SLC25A30: variants seen among roughly 807,000 people sequenced by gnomAD.
The protein encoded by SLC25A30 is kidney mitochondrial carrier protein 1.
A neutral mutation model predicts 42.7 loss-of-function variants in SLC25A30; 29 were observed. That is an observed-to-expected ratio of 0.68 (90% CI 0.51 to 0.93). The LOEUF is 0.93. SLC25A30 is among the 40% of genes least tolerant of loss of function. The probability of loss-of-function intolerance (pLI) is 0.00; values close to 1 mark genes in which losing one functional copy is unlikely to be tolerated. For synonymous variants in SLC25A30, 124 were observed against 131.0 expected (o/e 0.95, Z 0.37); for missense variants, 300 against 359.7 (o/e 0.83, Z 1.34).
At chr13:45,417,119 T>C (rs890712761) in intron 1 of SLC25A30, among the ~76,000 whole-genome samples, 1 of 152,204 alleles carries the variant, frequency 6.6e-6, no homozygotes, top group Admixed American at 6.5e-5. Context: ...ATTCAAGCGA[T>C]TCTCCTGTCT....
At chr13:45,419,286 A>G (rs1002467150), upstream of SLC25A30, among the ~76,000 whole-genome samples, 1 of 151,118 alleles carries the variant, frequency 6.6e-6, no homozygotes, top group East Asian at 1.9e-4. Context: ...ACGGTATGGC[A>G]GTGTTTGTGT....
At chr13:45,432,145 C>G in the SLC25A30 span, among the ~76,000 whole-genome samples, 1 of 151,710 alleles carries the variant, frequency 6.6e-6, no homozygotes, top group Non-Finnish European at 1.5e-5. Flanking sequence ...TAGTGCGCAC[C>G]TGTAATCCCA....
At chr13:45,410,100 C>G (rs1477841720) in intron 2 of SLC25A30, among the ~76,000 whole-genome samples, 1 of 152,186 alleles carries the variant, frequency 6.6e-6, no homozygotes, top group Non-Finnish European at 1.5e-5. Context: ...CAACCCAGCA[C>G]AGGGCATTCA....
chr13:45,405,170 C>T (rs566661262), intron 4 of SLC25A30, among the ~76,000 whole-genome samples: 4 of 152,240 alleles, frequency 2.6e-5, no homozygotes, highest in East Asian at 1.9e-4. Context: ...GTGATCTGCC[C>T]GCCTCAGCCT....
At chr13:45,424,642 C>CATAAATATAT in the SLC25A30 span, among the ~76,000 whole-genome samples, 885 of 29,506 alleles carry the variant, frequency 0.03, 137 homozygotes, top group African/African-American at 0.088. Flanking sequence ...TGTATATAAA[C>CATAAATATAT]ATAAATATAT....
At position 45,399,019 on chromosome 13, in the gene SLC25A30, CTCACAACA is replaced by C; in HGVS notation, c.666_673del (p.Asp222GlufsTer32). ...CACTCTCTGATTCATCATACGTGTCCTCACAACATCAACAGGGTTTGAGGCCAGGGCCC... is the reference window on the plus strand; with the variant it reads ...CACTCTCTGATTCATCATACGTGTCCTCAACAGGGTTTGAGGCCAGGGCCC... On this transcript the variant is annotated frameshift_variant, in exon 8 of 10. Coordinates refer to ENST00000519676, the MANE Select transcript of SLC25A30 (RefSeq NM_001010875.4). LOFTEE classifies it high-confidence loss of function. 1 of 1,613,878 alleles carries C rather than the reference CTCACAACA, an allele frequency of 6.2e-7. No individual in the cohort carries two copies.
chr13:45,418,974 A>C (rs1283061256), upstream of SLC25A30, among the ~76,000 whole-genome samples: 4 of 119,192 alleles, frequency 3.4e-5, 1 homozygote, highest in Non-Finnish European at 6.7e-5. Flanking sequence ...AAAAAAAAAA[A>C]AAAAAAAAAA....
At chr13:45,405,276 A>ATCTGTTAGGACATATTG (rs1295674156) in intron 4 of SLC25A30, among the ~76,000 whole-genome samples, 11 of 152,338 alleles carry the variant, frequency 7.2e-5, no homozygotes, top group African/African-American at 2.6e-4. Context: ...GATGAGCTAT[A>ATCTGTTAGGACATATTG]TCTGTTAGGA....
At chr13:45,401,933 G>A (rs1000788686) in intron 6 of SLC25A30, among the ~76,000 whole-genome samples, 4 of 151,786 alleles carry the variant, frequency 2.6e-5, no homozygotes, top group Non-Finnish European at 4.4e-5. Context: ...GGTGGCGCAC[G>A]CCTGTAATCC....
chr13:45,420,214 A>G (rs932089326), upstream of SLC25A30: 3 of 152,122 alleles, frequency 2.0e-5, no homozygotes, highest in African/African-American at 7.2e-5. Context: ...GCCCAGGGCC[A>G]TCTCTCTCTC....
At position 45,393,510 on chromosome 13, in the gene SLC25A30, A is replaced by G; in HGVS notation, c.*2464T>C. On this transcript the variant is annotated 3_prime_UTR_variant, in exon 10 of 10. Coordinates refer to ENST00000519676, the MANE Select transcript of SLC25A30 (RefSeq NM_001010875.4). ...GAGCCACTTTTTATATTATGAATCC[A>G]CAACATTAAGCATCAATGATTACAC... 3.0e-6 allele frequency: 3 copies of G among 985,418 alleles called. No individual in the cohort carries two copies. The highest frequency in any genetic ancestry group is 3.6e-6 in the Non-Finnish European group (3 of 829,912). The allele number at this position is 985,418 out of a possible 1,614,324, so 61.0% of individuals were successfully genotyped here.
chr13:45,424,539 A>ATATAAATATATAAATATATATAAATG, the SLC25A30 span, among the ~76,000 whole-genome samples: 1 of 79,776 alleles, frequency 1.3e-5, no homozygotes, highest in Non-Finnish European at 2.2e-5. Flanking sequence ...ATATATAAAT[A>ATATAAATATATAAATATATATAAATG]TATAAATATA....
At chr13:45,421,517 C>G (rs1437284871), upstream of SLC25A30, among the ~76,000 whole-genome samples, 1 of 151,906 alleles carries the variant, frequency 6.6e-6, no homozygotes, top group African/African-American at 2.4e-5. Context: ...CCCTATTTGG[C>G]TCTTTGTGCA....
At position 45,394,680 on chromosome 13, in the gene SLC25A30, A is replaced by T; in HGVS notation, c.*1294T>A. On this transcript the variant is annotated 3_prime_UTR_variant, in exon 10 of 10. Transcript: ENST00000519676. ...TCTCTGAAGCAGGTTAGAGTAAAGA[A>T]TAAGAAAATAGAAAAAGAAAAAAAG... 5 of 985,102 alleles carry T rather than the reference A, an allele frequency of 5.1e-6. No homozygotes were observed. Among genetic ancestry groups the T allele is most frequent in the Non-Finnish European group, 6.0e-6 (5 of 829,614 alleles). 61.0% of individuals were successfully genotyped at this position (985,102 alleles called of 1,614,324 possible).
chr13:45,404,423 T>C lies in SLC25A30; in HGVS notation c.308-11A>G. The C allele has an allele frequency of 6.3e-7, 1 of 1,590,396 alleles. No individual in the cohort carries two copies. The highest frequency in any genetic ancestry group is 8.6e-7 in the Non-Finnish European group (1 of 1,158,614). ...TCGGTAGAGTTTCATCTGTAAACAATGACACATTATTTGACTCTACATATT... is the reference window on the plus strand; with the variant it reads ...TCGGTAGAGTTTCATCTGTAAACAACGACACATTATTTGACTCTACATATT... On this transcript the variant is annotated splice_polypyrimidine_tract_variant and intron_variant, in intron 4 of 9. Coordinates refer to ENST00000519676, the MANE Select transcript of SLC25A30 (RefSeq NM_001010875.4).
rs1480607344 is a variant in SLC25A30 at position 45,405,906 on chromosome 13, C to T, written c.284G>A (p.Arg95Gln). The part of the protein sequence containing the change: ...IKIGTYQSLK[R>Q]LFIERPEDET... ...ACCTTCTGGGCGTTCAATGAATAGTCGCTTCAAGCTCTGGTAAGTGCCTAT... is the reference window on the plus strand; with the variant it reads ...ACCTTCTGGGCGTTCAATGAATAGTTGCTTCAAGCTCTGGTAAGTGCCTAT... The change falls in exon 4 of 10, where the codon CGA becomes CAA. Residue 95 changes from arginine to glutamine, a missense_variant. Arg to Gln is a conservative substitution (Grantham distance 43, BLOSUM62 1). Transcript: ENST00000519676. The T allele has an allele frequency of 4.3e-6, 7 of 1,614,024 alleles. No homozygotes were observed. Among genetic ancestry groups the T allele is most frequent in the Middle Eastern group, 1.6e-4 (1 of 6,082 alleles).
chr13:45,408,090 T>G (rs1882684060), intron 3 of SLC25A30, among the ~76,000 whole-genome samples: 1 of 152,196 alleles, frequency 6.6e-6, no homozygotes, highest in East Asian at 1.9e-4. Flanking sequence ...GGCTTCTGTC[T>G]GCCATAGATA....
At chr13:45,398,915 TGC>T (rs759818707) in intron 8 of SLC25A30, 23 bp downstream of exon 8, 1 of 1,608,746 alleles carries the variant, frequency 6.2e-7, no homozygotes, top group Non-Finnish European at 8.5e-7. Flanking sequence ...TTCACAACCC[TGC>T]AGAGACAGAC....
the SLC25A30 span, among the ~76,000 whole-genome samples, chr13:45,428,164 C>G: frequency 4.4e-4 from 67 of 151,922 alleles, no homozygotes; most frequent in Non-Finnish European, 8.4e-4. Context: ...TTTTTTCTGC[C>G]ATTTATACCC....
Sources: gnomAD v4.1 joint callset for allele counts (sites outside exome capture counted in the v4.1 genomes callset) on GRCh38, gnomAD v4.1.1 for gene constraint, MANE v1.5 for transcripts, NCBI Gene and HGNC (gene_info 2026-07-23, HGNC 2026-07-21) for gene names.